CSMD2: variants seen among roughly 807,000 people sequenced by gnomAD.
CSMD2 encodes the protein CUB and sushi domain-containing protein 2.
Under a neutral mutation model 398.5 loss-of-function variants are expected in CSMD2, and 130 were observed. The ratio of observed to expected loss-of-function variants is 0.33; its 90% CI spans 0.28 to 0.38. The LOEUF (loss-of-function observed/expected upper bound fraction) is 0.38. Ranked by LOEUF, CSMD2 falls within the 10% of genes least tolerant of loss-of-function variation. The probability of loss-of-function intolerance (pLI) is 1.00; values close to 1 mark genes in which losing one functional copy is unlikely to be tolerated. For synonymous variants in CSMD2, 1,828 were observed against 1,908.5 expected, an observed-to-expected ratio of 0.96 and a Z score of 1.10; for missense variants, 3,829 against 4,764.9, an observed-to-expected ratio of 0.80 and a Z score of 5.78.
rs1643973636 is a variant in CSMD2, at chr1:33,922,368, G to A, written c.713-4067C>T. Among the ~76,000 whole-genome samples the A allele has an allele frequency of 2.6e-5, 4 of 152,236 alleles. No homozygotes were observed. In the South Asian group the frequency reaches 8.3e-4, roughly 32 times the overall value. On this transcript the variant is annotated intron_variant, in intron 4 of 70. Transcript: ENST00000373381. ...GGGGCCAAAGAGAAACATTAGAGGGGGAGGGAGTGGCTCAGGAGCAGGCAC... is the reference window on the plus strand; with the variant it reads ...GGGGCCAAAGAGAAACATTAGAGGGAGAGGGAGTGGCTCAGGAGCAGGCAC...
intron 5 of CSMD2, chr1:33,870,057 A>ATATCAAT (rs1640347387): frequency 6.6e-6 from 1 of 152,186 alleles, no homozygotes; most frequent in Admixed American, 6.5e-5. Context: ...TTCCACTAAA[A>ATATCAAT]TATCAATTAT....
At chr1:33,889,753 C>CTGTGTGTGTG (rs55771161) in intron 5 of CSMD2, among the ~76,000 whole-genome samples, 1,970 of 148,142 alleles carry the variant, frequency 0.013, 20 homozygotes, top group Middle Eastern at 0.021. Flanking sequence ...ACCTCCTATC[C>CTGTGTGTGTG]TGTGTGTGTG....
intron 10 of CSMD2, among the ~76,000 whole-genome samples, chr1:33,794,992 A>T: frequency 1.2e-5 from 1 of 82,198 alleles, no homozygotes; most frequent in East Asian, 3.7e-4. Context: ...CAAGGTCTAG[A>T]TGAAGTGGGA....
At chr1:33,933,252 G>A (rs533439929) in intron 4 of CSMD2, among the ~76,000 whole-genome samples, 1 of 152,200 alleles carries the variant, frequency 6.6e-6, no homozygotes, top group East Asian at 1.9e-4. Flanking sequence ...CAGAGCAGAA[G>A]CAGGGGTAGG....
At chr1:33,784,285 G>A (rs1653222927) in intron 12 of CSMD2, among the ~76,000 whole-genome samples, 3 of 152,166 alleles carry the variant, frequency 2.0e-5, no homozygotes, top group Non-Finnish European at 4.4e-5. Context: ...ACCAGGAGGT[G>A]GAGGTGATAG....
At chr1:33,545,371 T>A (rs1656776788) in intron 57 of CSMD2, among the ~76,000 whole-genome samples, 1 of 152,230 alleles carries the variant, frequency 6.6e-6, no homozygotes, top group East Asian at 1.9e-4. Flanking sequence ...AGGGCCTAGA[T>A]TACTTTGAGA....
intron 27 of CSMD2, among the ~76,000 whole-genome samples, chr1:33,653,003 C>T (rs1464524736): frequency 1.3e-5 from 2 of 152,142 alleles, no homozygotes; most frequent in Non-Finnish European, 2.9e-5. Context: ...GTGATCCACC[C>T]ATCTCAGCCT....
chr1:33,830,830 C>T (rs1442976217), intron 6 of CSMD2, among the ~76,000 whole-genome samples: 2 of 152,144 alleles, frequency 1.3e-5, no homozygotes, highest in Non-Finnish European at 2.9e-5. Context: ...GCTGATGGAG[C>T]TGAAAGCCAA....
chr1:33,527,292 C>G (rs1186215400), intron 64 of CSMD2, 34 bp from the exon 65 acceptor site: 4 of 1,578,696 alleles, frequency 2.5e-6, no homozygotes. Flanking sequence ...AAAACAGGTT[C>G]AGCTTCTGGT....
At position 33,819,762 on chromosome 1, in the gene CSMD2, T is replaced by A; in HGVS notation, c.1275A>T (p.Lys425Asn). ...TCCAGGCCGCAAACATGTCGCTCAC[T>A]TTCATACAGGTGATCCGCTTGGACC... ...LQGSKRITCM[K>N]VSDMFAAWSD... Residue 425 changes from lysine (K) to asparagine (N), a missense_variant, in exon 9 of 71, where the codon AAA becomes AAT. Transcript: ENST00000373381. The A allele has an allele frequency of 1.2e-6, 2 of 1,614,080 alleles. No homozygotes were observed. The highest frequency in any genetic ancestry group is 1.7e-6 in the Non-Finnish European group (2 of 1,180,004).
intron 3 of CSMD2, among the ~76,000 whole-genome samples, chr1:33,991,996 A>C (rs889045390): frequency 3.9e-5 from 6 of 152,194 alleles, no homozygotes; most frequent in Admixed American, 2.6e-4. Context: ...CCGTGTTGCT[A>C]ATCAGGAAAA....
rs149381721 is a variant in CSMD2, at chr1:33,858,571, A to T, written c.921-11575T>A. On this transcript the variant is annotated intron_variant, in intron 5 of 70. Coordinates refer to ENST00000373381, the MANE Select transcript of CSMD2 (RefSeq NM_001281956.2). Reference sequence around the variant, plus strand: ...GAGATGATGTACCCAAAGTATGATCATCATTTTTATTAAAATATTGTGCTC... The same window carrying T: ...GAGATGATGTACCCAAAGTATGATCTTCATTTTTATTAAAATATTGTGCTC... 1.3e-4 allele frequency among the ~76,000 whole-genome samples: 20 copies of T among 152,334 alleles called. No homozygotes were observed. The East Asian group carries it at 3.7e-3, about 28-fold the overall frequency.
At chr1:34,162,259 A>C in intron 1 of CSMD2, among the ~76,000 whole-genome samples, 1 of 72,804 alleles carries the variant, frequency 1.4e-5, no homozygotes, top group Non-Finnish European at 2.7e-5. Context: ...TGGGGTGGGG[A>C]GGGGGAGGGG....
intron 5 of CSMD2, among the ~76,000 whole-genome samples, chr1:33,860,196 T>C (rs1350314815): frequency 6.6e-6 from 1 of 152,220 alleles, no homozygotes; most frequent in Non-Finnish European, 1.5e-5. Context: ...GCATCTCTCA[T>C]TGCATTTGTC....
intron 20 of CSMD2, among the ~76,000 whole-genome samples, chr1:33,715,433 C>T (rs977924899): frequency 4.6e-5 from 7 of 152,024 alleles, no homozygotes; most frequent in East Asian, 1.9e-4. Flanking sequence ...ACTAGTCCCT[C>T]GTCTGCAAGG....
rs751920658 is a variant in CSMD2, at chr1:33,546,109, C to T, written c.9028G>A (p.Val3010Met). 47 of 1,614,062 alleles carry T rather than the reference C, an allele frequency of 2.9e-5. No individual in the cohort carries two copies. Among genetic ancestry groups the T allele is most frequent in the East Asian group, 4.5e-5 (2 of 44,900 alleles). Reference protein sequence around the residue: ...VMRFSCEAGHVLRGSSERTCQ... With the variant: ...VMRFSCEAGHMLRGSSERTCQ... ...GTGCGCTCTGACGATCCCCGGAGCA[C>T]GTGGCCAGCTTCACAGCTGAAGCGC... is the stretch of plus-strand genomic sequence containing the variant. The change falls in exon 57 of 71, where the codon GTG becomes ATG. Residue 3010 changes from valine to methionine, a missense_variant. Physicochemically the swap from Val to Met is conservative, Grantham distance 21. Transcript: ENST00000373381.
intron 13 of CSMD2, among the ~76,000 whole-genome samples, chr1:33,744,645 C>T (rs1647207563): frequency 6.6e-6 from 1 of 151,936 alleles, no homozygotes; most frequent in Non-Finnish European, 1.5e-5. Flanking sequence ...AAAATAATCA[C>T]AACGCTTATG....
intron 4 of CSMD2, among the ~76,000 whole-genome samples, chr1:33,933,067 C>G (rs1008260692): frequency 1.3e-5 from 2 of 152,214 alleles, no homozygotes; most frequent in South Asian, 4.1e-4. Flanking sequence ...CTCATACTTT[C>G]ATTTTAAGTC....
At chr1:33,865,506 T>C (rs1418284928) in intron 5 of CSMD2, among the ~76,000 whole-genome samples, 3 of 151,730 alleles carry the variant, frequency 2.0e-5, no homozygotes, top group Non-Finnish European at 4.4e-5. Context: ...TTCATAGCAC[T>C]CTGACTCCCT....
Sources: allele counts gnomAD v4.1 joint callset (sites outside exome capture counted in the v4.1 genomes callset), GRCh38; gene constraint gnomAD v4.1.1; transcripts MANE v1.5; gene names NCBI Gene and HGNC (gene_info 2026-07-23, HGNC 2026-07-21).